Variants in BABAM2 observed in about 807,000 individuals in gnomAD.
BABAM2 encodes the protein BRISC and BRCA1-A complex member 2.
BABAM2 carries 31 observed loss-of-function variants against 54.7 expected under a neutral mutation model. The observed-to-expected ratio is 0.57, with a 90% CI of 0.43 to 0.77. BABAM2 has a LOEUF of 0.77. Ranked by LOEUF, BABAM2 falls within the 30% of genes least tolerant of loss-of-function variation. BABAM2 has a pLI of 0.00. For missense variants in BABAM2, 364 were observed against 455.8 expected, an observed-to-expected ratio of 0.80 and a Z score of 1.83; for synonymous variants, 167 against 162.9, an observed-to-expected ratio of 1.03 and a Z score of -0.19.
intron 7 of BABAM2, among the ~76,000 whole-genome samples, chr2:28,159,399 G>C (rs940286982): frequency 6.6e-6 from 1 of 152,188 alleles, no homozygotes; most frequent in Non-Finnish European, 1.5e-5. Flanking sequence ...CTGCTATGGA[G>C]TCCAAGAAGG....
intron 10 of BABAM2, among the ~76,000 whole-genome samples, chr2:28,273,376 T>C (rs1230684661): frequency 6.6e-6 from 1 of 152,192 alleles, no homozygotes; most frequent in Non-Finnish European, 1.5e-5. Context: ...CACTGTTCAA[T>C]CTGAAAGGGG....
At chr2:28,002,259 C>T (rs557394531) in intron 4 of BABAM2, among the ~76,000 whole-genome samples, 12 of 152,024 alleles carry the variant, frequency 7.9e-5, no homozygotes, top group East Asian at 1.9e-4. Context: ...CACCAAGTTC[C>T]GAAGAAAAGA....
chr2:28,220,509 A>G (rs1277712729), intron 7 of BABAM2, among the ~76,000 whole-genome samples: 6 of 152,056 alleles, frequency 3.9e-5, no homozygotes, highest in African/African-American at 1.4e-4. Context: ...CTGTGTTCTT[A>G]TATACCTTAG....
intron 11 of BABAM2, among the ~76,000 whole-genome samples, chr2:28,324,392 T>C (rs1352039070): frequency 6.6e-6 from 1 of 152,192 alleles, no homozygotes; most frequent in Non-Finnish European, 1.5e-5. Flanking sequence ...CTGGAAATCA[T>C]GGTGGCATGG....
intron 3 of BABAM2, among the ~76,000 whole-genome samples, chr2:27,957,630 A>AG (rs1441197684): frequency 6.6e-6 from 1 of 152,178 alleles, no homozygotes; most frequent in African/African-American, 2.4e-5. Context: ...TTAGATGAAA[A>AG]GGAAGTAGTA....
intron 10 of BABAM2, among the ~76,000 whole-genome samples, chr2:28,272,501 G>C (rs2148166455): frequency 6.6e-6 from 1 of 152,332 alleles, no homozygotes; most frequent in African/African-American, 2.4e-5. Context: ...CAAGGATTCA[G>C]ACCTTGGTGT....
rs573791702 is a variant in BABAM2 at position 28,192,398 on chromosome 2, A to T, written c.681-44804A>T. Reference sequence around the variant, plus strand: ...CAACATGGCACATTTATACATACGTAAAAAACCTGCACGTTGTGCACATGT... The same window carrying T: ...CAACATGGCACATTTATACATACGTTAAAAACCTGCACGTTGTGCACATGT... On this transcript the variant is annotated intron_variant, in intron 7 of 11. Transcript: ENST00000379624. Among the ~76,000 whole-genome samples, 985 of 152,218 alleles carry T rather than the reference A, an allele frequency of 6.5e-3. 5 individuals carry two copies. The highest frequency in any genetic ancestry group is 0.01 in the Non-Finnish European group (684 of 68,022).
intron 11 of BABAM2, among the ~76,000 whole-genome samples, chr2:28,335,120 G>A (rs574397529): frequency 7.0e-6 from 1 of 142,918 alleles, no homozygotes; most frequent in Non-Finnish European, 1.5e-5. Flanking sequence ...TATTGTACCT[G>A]TTCTCTTTCT....
chr2:27,941,898 T>C (rs113733026), intron 3 of BABAM2, among the ~76,000 whole-genome samples: 5 of 152,318 alleles, frequency 3.3e-5, no homozygotes, highest in Non-Finnish European at 7.3e-5. Flanking sequence ...TTTAATTAAA[T>C]AGTGGCCAAA....
intron 11 of BABAM2, among the ~76,000 whole-genome samples, chr2:28,334,360 C>A (rs765927203): frequency 3.3e-5 from 5 of 152,242 alleles, no homozygotes; most frequent in South Asian, 4.1e-4. Context: ...CGGACCCGAC[C>A]CCTGCCCAGC....
intron 6 of BABAM2, among the ~76,000 whole-genome samples, chr2:28,122,984 C>G (rs754520750): frequency 3.9e-5 from 6 of 152,104 alleles, no homozygotes; most frequent in Non-Finnish European, 7.4e-5. Context: ...TACTGAGAAT[C>G]TTCCCTATTG....
intron 6 of BABAM2, among the ~76,000 whole-genome samples, chr2:28,099,649 C>T (rs1666910584): frequency 6.6e-6 from 1 of 152,046 alleles, no homozygotes; most frequent in Admixed American, 6.6e-5. Flanking sequence ...CATATCTTGT[C>T]TGTTTTTGGA....
intron 3 of BABAM2, among the ~76,000 whole-genome samples, chr2:27,934,899 A>C (rs1273608374): frequency 6.6e-6 from 1 of 152,240 alleles, no homozygotes; most frequent in Non-Finnish European, 1.5e-5. Flanking sequence ...GGTTCATGAG[A>C]TTTAAGAAAA....
intron 4 of BABAM2, among the ~76,000 whole-genome samples, chr2:28,006,909 A>G (rs968481066): frequency 6.6e-6 from 1 of 152,164 alleles, no homozygotes; most frequent in Middle Eastern, 3.4e-3. Flanking sequence ...GAAATAAGGT[A>G]TATGGATTAA....
chr2:28,292,125 T>G (rs1687330992), intron 10 of BABAM2, among the ~76,000 whole-genome samples: 2 of 152,210 alleles, frequency 1.3e-5, no homozygotes. Context: ...TCTATGAGTA[T>G]CTTCCCTGCC....
chr2:27,955,590 C>A (rs1456531479), intron 3 of BABAM2, among the ~76,000 whole-genome samples: 1 of 152,100 alleles, frequency 6.6e-6, no homozygotes, highest in African/African-American at 2.4e-5. Context: ...AAGTTTCCTC[C>A]CCATTGCAAA....
At chr2:28,303,606 A>G (rs528017542) in intron 11 of BABAM2, among the ~76,000 whole-genome samples, 7 of 152,326 alleles carry the variant, frequency 4.6e-5, no homozygotes, top group African/African-American at 1.7e-4. Flanking sequence ...CAGGAAAGGT[A>G]TCCAAGCTTG....
At chr2:27,910,598 G>A (rs558726677) in intron 2 of BABAM2, among the ~76,000 whole-genome samples, 26 of 152,026 alleles carry the variant, frequency 1.7e-4, no homozygotes, top group Admixed American at 2.6e-4. Context: ...CCCATGAAAG[G>A]ATAACTGCTA....
chr2:28,026,876 A>ATATATATAGATATATATATTTT (rs1558667360), intron 5 of BABAM2, among the ~76,000 whole-genome samples: 2 of 56,174 alleles, frequency 3.6e-5, no homozygotes, highest in Non-Finnish European at 6.2e-5. Flanking sequence ...ATATATATTT[A>ATATATATAGATATATATATTTT]TATATATATA....
Sources: allele counts gnomAD v4.1 joint callset (sites outside exome capture counted in the v4.1 genomes callset), GRCh38; gene constraint gnomAD v4.1.1; transcripts MANE v1.5; gene names NCBI Gene and HGNC (gene_info 2026-07-23, HGNC 2026-07-21).